Variants in EML6 observed in about 807,000 individuals in gnomAD.
The protein encoded by EML6 is EMAP like 6.
In EML6, 154 loss-of-function variants were observed where a neutral mutation model predicts 240.1. The ratio of observed to expected loss-of-function variants is 0.64; its 90% CI spans 0.56 to 0.73. The LOEUF (loss-of-function observed/expected upper bound fraction) is 0.73, where lower values mean the gene tolerates loss of function less well. Among genes scored for constraint, EML6 ranks in the 30% least tolerant of loss-of-function variants. The probability of loss-of-function intolerance (pLI) is 0.00; values close to 1 mark genes in which losing one functional copy is unlikely to be tolerated. For synonymous variants in EML6, 1,148 were observed against 899.0 expected, an observed-to-expected ratio of 1.28 and a Z score of -4.95; for missense variants, 2,964 against 2,474.6, an observed-to-expected ratio of 1.20 and a Z score of -4.20.
chr2:54,968,090 A>G, intron 39 of EML6, 38 bp from the exon 40 acceptor site: 2 of 1,544,640 alleles, frequency 1.3e-6, no homozygotes, highest in Non-Finnish European at 1.8e-6. Context: ...CTTCGCCGTG[A>G]CTTCCTTCTA....
At chr2:54,754,917 A>G (rs930758446) in intron 2 of EML6, among the ~76,000 whole-genome samples, 1 of 152,240 alleles carries the variant, frequency 6.6e-6, no homozygotes, top group African/African-American at 2.4e-5. Context: ...TGAAAGCTAA[A>G]TTTTAAATTT....
chr2:54,919,829 C>T (rs954188718), intron 26 of EML6, among the ~76,000 whole-genome samples: 3 of 152,154 alleles, frequency 2.0e-5, no homozygotes. Context: ...ACCAGAGTTC[C>T]AGGGAGGTAT....
intron 24 of EML6, among the ~76,000 whole-genome samples, chr2:54,908,699 G>T (rs1489742124): frequency 6.6e-6 from 1 of 152,092 alleles, no homozygotes; most frequent in Non-Finnish European, 1.5e-5. Context: ...TACTTCATCT[G>T]CACATGGCCC....
chr2:54,931,462 T>C (rs1674860978), intron 28 of EML6, among the ~76,000 whole-genome samples: 1 of 151,786 alleles, frequency 6.6e-6, no homozygotes, highest in Non-Finnish European at 1.5e-5. Context: ...GAAGGAAAAA[T>C]GGTGACATCA....
chr2:54,925,725 C>T (rs752854911), intron 26 of EML6, among the ~76,000 whole-genome samples: 6 of 152,156 alleles, frequency 3.9e-5, no homozygotes, highest in East Asian at 3.9e-4. Context: ...TTAACAGGAG[C>T]ACGACCCATT....
At chr2:54,943,647 G>C (rs769989613) in intron 28 of EML6, among the ~76,000 whole-genome samples, 1 of 152,108 alleles carries the variant, frequency 6.6e-6, no homozygotes, top group Non-Finnish European at 1.5e-5. Context: ...GTCTTACTAA[G>C]AGAACTTGTT....
At chr2:54,827,540 G>A (rs772130170) in intron 5 of EML6, 26 bp from the exon 6 acceptor site, 4 of 1,532,482 alleles carry the variant, frequency 2.6e-6, no homozygotes, top group Non-Finnish European at 3.5e-6. Flanking sequence ...CTATCTTGGA[G>A]ATCTATTTTA....
intron 2 of EML6, among the ~76,000 whole-genome samples, chr2:54,771,948 C>T (rs576448764): frequency 6.6e-6 from 1 of 152,324 alleles, no homozygotes; most frequent in African/African-American, 2.4e-5. Context: ...AACTAGGACC[C>T]TGTAGGCTAT....
Position 54,968,362 on chromosome 2 carries a change from C to G in EML6, c.5751+81C>G, listed in dbSNP as rs911029182. 4 of 1,309,554 alleles carry G rather than the reference C, an allele frequency of 3.1e-6. No homozygotes were observed. The African/African-American group carries it at 4.4e-5, about 14-fold the overall frequency. The allele number at this position is 1,309,554 out of a possible 1,614,324, so 81.1% of individuals were successfully genotyped here. ...AGATAGGGGCCACGTCTAGATGGCC[C>G]TCTGGGAGACACAGAGAAACCCTGT... is the stretch of plus-strand genomic sequence containing the variant. On this transcript the variant is annotated intron_variant, in intron 40 of 41. Transcript: ENST00000356458.
At chr2:54,825,752 C>T (rs1668557897) in intron 5 of EML6, among the ~76,000 whole-genome samples, 2 of 152,170 alleles carry the variant, frequency 1.3e-5, no homozygotes, top group African/African-American at 2.4e-5. Flanking sequence ...TAGGACAGCC[C>T]CCCACCCCCA....
At chr2:54,888,457 A>G (rs1672275144) in intron 17 of EML6, among the ~76,000 whole-genome samples, 1 of 152,192 alleles carries the variant, frequency 6.6e-6, no homozygotes, top group Admixed American at 6.5e-5. Flanking sequence ...TTACAACAGT[A>G]TATTCAGGAG....
chr2:54,770,504 A>G (rs1412154739), intron 2 of EML6, among the ~76,000 whole-genome samples: 1 of 152,210 alleles, frequency 6.6e-6, no homozygotes, highest in Admixed American at 6.5e-5. Context: ...GAGAAACCAC[A>G]GTATTTCTTA....
intron 28 of EML6, among the ~76,000 whole-genome samples, chr2:54,945,771 G>C (rs981282277): frequency 6.6e-6 from 1 of 152,230 alleles, no homozygotes; most frequent in African/African-American, 2.4e-5. Context: ...CCTGCCTTGC[G>C]GGTCTGTGCA....
At chr2:54,812,493 G>C (rs1667898614) in intron 2 of EML6, among the ~76,000 whole-genome samples, 1 of 150,374 alleles carries the variant, frequency 6.7e-6, no homozygotes, top group African/African-American at 2.5e-5. Flanking sequence ...AAGACACAAC[G>C]CCTATACACA....
chr2:54,744,427 G>A (rs1400893445), intron 2 of EML6, among the ~76,000 whole-genome samples: 1 of 152,130 alleles, frequency 6.6e-6, no homozygotes, highest in Non-Finnish European at 1.5e-5. Flanking sequence ...ATCCAAATGC[G>A]GAGGTGAGCC....
At chr2:54,882,873 A>AAAAAAAAAAAAAAGAG (rs796515025) in intron 17 of EML6, 3 of 112,342 alleles carry the variant, frequency 2.7e-5, no homozygotes, top group African/African-American at 1.1e-4. Context: ...AAAAAAAAAA[A>AAAAAAAAAAAAAAGAG]AGAAAGCTTA....
At position 54,963,456 on chromosome 2, in the gene EML6, A is replaced by G. The variant is rs543789732; in HGVS notation, c.5158-530A>G. ...TTGCAAAACCCTTATTAACATCGCT[A>G]TTAGTAAAACTCTAAAAACTGAGAT... is the stretch of plus-strand genomic sequence containing the variant. On this transcript the variant is annotated intron_variant, in intron 36 of 41. Transcript: ENST00000356458. 7.2e-5 allele frequency among the ~76,000 whole-genome samples: 11 copies of G among 152,358 alleles called. No homozygotes were observed. In the South Asian group the frequency reaches 1.2e-3, roughly 17 times the overall value.
chr2:54,853,404 C>T (rs557995960), intron 10 of EML6, among the ~76,000 whole-genome samples: 3 of 152,104 alleles, frequency 2.0e-5, no homozygotes, highest in South Asian at 4.1e-4. Flanking sequence ...GTGATCAAGT[C>T]AGGATATTTA....
intron 38 of EML6, among the ~76,000 whole-genome samples, chr2:54,964,973 A>C (rs1174956936): frequency 6.6e-6 from 1 of 152,236 alleles, no homozygotes; most frequent in Non-Finnish European, 1.5e-5. Flanking sequence ...CAGGAAACAC[A>C]AGCCCTAATC....
Sources: gnomAD v4.1 joint callset for allele counts (sites outside exome capture counted in the v4.1 genomes callset) on GRCh38, gnomAD v4.1.1 for gene constraint, MANE v1.5 for transcripts, NCBI Gene and HGNC (gene_info 2026-07-23, HGNC 2026-07-21) for gene names.